Variants in USP8 observed in about 807,000 individuals in gnomAD.
USP8 encodes the protein ubiquitin specific peptidase 8.
USP8 carries 27 observed loss-of-function variants against 130.0 expected under a neutral mutation model. The ratio of observed to expected loss-of-function variants is 0.21; its 90% CI spans 0.15 to 0.29. The LOEUF is 0.29. Ranked by LOEUF, USP8 falls within the 10% of genes least tolerant of loss-of-function variation. The probability of loss-of-function intolerance (pLI) is 1.00; values close to 1 mark genes in which losing one functional copy is unlikely to be tolerated. For missense variants in USP8, 1,029 were observed against 1,312.2 expected, an observed-to-expected ratio of 0.78 and a Z score of 3.33; for synonymous variants, 392 against 444.1, an observed-to-expected ratio of 0.88 and a Z score of 1.48.
intron 5 of USP8, 131 bp downstream of exon 5, chr15:50,459,293 T>G: frequency 7.7e-7 from 1 of 1,301,370 alleles, no homozygotes; most frequent in Non-Finnish European, 1.0e-6. Context: ...TAATTAGAAA[T>G]TTATTTAAGG....
At chr15:50,494,340 AT>A in intron 16 of USP8, 60 bp downstream of exon 16, 2 of 1,421,008 alleles carry the variant, frequency 1.4e-6, no homozygotes, top group Non-Finnish European at 9.5e-7. Flanking sequence ...GTAGCACTGT[AT>A]TTTTATAGCA....
At chr15:50,436,812 G>T (rs1306924093) in intron 1 of USP8, among the ~76,000 whole-genome samples, 6 of 152,162 alleles carry the variant, frequency 3.9e-5, no homozygotes, top group Non-Finnish European at 1.5e-5. Context: ...TGGGATTATA[G>T]GCATGCACTA....
At chr15:50,493,925 TG>T in intron 15 of USP8, 144 bp from the exon 16 acceptor site, 1 of 974,134 alleles carries the variant, frequency 1.0e-6, no homozygotes, top group Non-Finnish European at 1.6e-6. Flanking sequence ...GATGAGAATC[TG>T]GTGGTGAGCC....
chr15:50,431,797 C>T (rs959297681), intron 1 of USP8, among the ~76,000 whole-genome samples: 3 of 152,180 alleles, frequency 2.0e-5, no homozygotes, highest in Admixed American at 1.3e-4. Flanking sequence ...GGTGGAATTA[C>T]AGGCGTCCAC....
In USP8 at chr15:50,500,592, ACT is replaced by A; in HGVS notation, c.*1507_*1508del. 1.8e-6 allele frequency: 1 copy of A among 564,910 alleles called. No homozygotes were observed. The highest frequency in any genetic ancestry group is 3.1e-6 in the Non-Finnish European group (1 of 318,084). The allele number at this position is 564,910 out of a possible 1,614,324, so 35.0% of individuals were successfully genotyped here. On this transcript the variant is annotated 3_prime_UTR_variant, in exon 20 of 20. Transcript: ENST00000307179. ...TCTAAGAGTTTAATGACCAAGCAAA[ACT>A]CTACCACCAGATGCTGACTGCTTGT...
chr15:50,477,042 T>C (rs770967563), intron 9 of USP8, 49 bp downstream of exon 9: 17 of 1,584,132 alleles, frequency 1.1e-5, no homozygotes, highest in Non-Finnish European at 1.5e-5. Flanking sequence ...AAAATATGGT[T>C]TAAAATTGTT....
chr15:50,443,684 A>G (rs1567605314), intron 3 of USP8, among the ~76,000 whole-genome samples: 1 of 151,888 alleles, frequency 6.6e-6, no homozygotes, highest in Non-Finnish European at 1.5e-5. Context: ...GGCTTTCACC[A>G]TATTGGCCAG....
intron 9 of USP8, 121 bp downstream of exon 9, chr15:50,477,114 G>A: frequency 7.1e-7 from 1 of 1,398,942 alleles, no homozygotes; most frequent in Non-Finnish European, 9.7e-7. Context: ...TTGTTTTCAG[G>A]CATAAAAATA....
At position 50,477,449 on chromosome 15, in the gene USP8, G is replaced by A; in HGVS notation, c.1168G>A (p.Asp390Asn). 1 of 1,614,116 alleles carries A rather than the reference G, an allele frequency of 6.2e-7. No homozygotes were observed. The highest frequency in any genetic ancestry group is 1.3e-5 in the African/African-American group (1 of 75,034). The change falls in exon 10 of 20, where the codon GAT (aspartate) becomes AAT (asparagine). Residue 390 changes from aspartate (D) to asparagine (N), a missense_variant. By Grantham distance (23) the Asp-to-Asn change is conservative. Transcript: ENST00000307179. ...TGAACCAGTTGCTGCTTCTAAATCT[G>A]ATGTTTCACCCATAATTCAGCCAGT... ...PVEPVAASKS[D>N]VSPIIQPVPS...
At chr15:50,441,969 CTTTTTTT>C (rs1011150634) in intron 3 of USP8, among the ~76,000 whole-genome samples, 40 of 81,428 alleles carry the variant, frequency 4.9e-4, no homozygotes, top group South Asian at 1.4e-3. Context: ...CTCCCTAAAT[CTTTTTTT>C]TTTTTTTTTT....
intron 6 of USP8, chr15:50,463,408 C>A (rs921817913): frequency 6.6e-6 from 1 of 152,182 alleles, no homozygotes. Context: ...CTAACGCGCC[C>A]GATCTCGGGA....
intron 3 of USP8, among the ~76,000 whole-genome samples, chr15:50,448,661 AG>A (rs200485606): frequency 0.031 from 4,763 of 152,016 alleles, 102 homozygotes; most frequent in South Asian, 0.092. Flanking sequence ...CTGGGATTAC[AG>A]GCACATACCA....
chr15:50,471,438 A>G (rs900689018), intron 7 of USP8, among the ~76,000 whole-genome samples, 195 bp from the exon 8 acceptor site: 3 of 152,178 alleles, frequency 2.0e-5, no homozygotes, highest in African/African-American at 7.2e-5. Context: ...CTATGTTCCA[A>G]TATTATACAG....
In USP8 at chr15:50,501,342, T is replaced by C. The variant is rs2052584651; in HGVS notation, c.*2254T>C. 1 of 148,490 alleles carries C rather than the reference T, an allele frequency of 6.7e-6. No homozygotes were observed. The highest frequency in any genetic ancestry group is 1.5e-5 in the Non-Finnish European group (1 of 68,664). 9.2% of individuals were successfully genotyped at this position (148,490 alleles called of 1,614,324 possible). The stretch of plus-strand genomic sequence containing the variant: ...AAAAAAGATGAGCTAGGCATAGTGG[T>C]GCACACCTGTAGTCCCAGCTACTTG... On this transcript the variant is annotated 3_prime_UTR_variant, in exon 20 of 20. Transcript: ENST00000307179.
At chr15:50,469,414 T>G (rs2051302258) in intron 7 of USP8, among the ~76,000 whole-genome samples, 1 of 152,170 alleles carries the variant, frequency 6.6e-6, no homozygotes, top group African/African-American at 2.4e-5. Context: ...CAAAGTGTTT[T>G]CTGTAGAATA....
chr15:50,489,828 C>T lies in USP8; in HGVS notation c.1918C>T (p.Arg640Ter). ...KAQREPLTRARSEEMGRIVPG... is the reference protein window; with the variant it reads ...KAQREPLTRA Reference sequence around the variant, plus strand: ...TCAACGAGAACCTTTGACAAGAGCACGAAGTGAAGAAATGGGGAGGATCGT... The same window carrying T: ...TCAACGAGAACCTTTGACAAGAGCATGAAGTGAAGAAATGGGGAGGATCGT... Residue 640 changes from arginine (R) to a stop codon, truncating the protein, a stop_gained, in exon 13 of 20, where the codon CGA (arginine) becomes TGA (stop). Coordinates refer to ENST00000307179, the MANE Select transcript of USP8 (RefSeq NM_005154.5). LOFTEE classifies it high-confidence loss of function. 1 of 1,570,328 alleles carries T rather than the reference C, an allele frequency of 6.4e-7. No homozygotes were observed. The highest frequency in any genetic ancestry group is 8.6e-7 in the Non-Finnish European group (1 of 1,158,360).
At chr15:50,448,737 C>T (rs1405780376) in intron 3 of USP8, among the ~76,000 whole-genome samples, 1 of 152,054 alleles carries the variant, frequency 6.6e-6, no homozygotes, top group East Asian at 1.9e-4. Context: ...CCGGGCTGGT[C>T]TTGACCTCCT....
At chr15:50,437,911 G>A (rs2050137683) in intron 1 of USP8, among the ~76,000 whole-genome samples, 2 of 152,174 alleles carry the variant, frequency 1.3e-5, no homozygotes, top group South Asian at 4.1e-4. Flanking sequence ...GTTTCTAAAT[G>A]CATAGATCTG....
chr15:50,435,375 T>C (rs890558647), intron 1 of USP8, among the ~76,000 whole-genome samples: 6 of 152,196 alleles, frequency 3.9e-5, no homozygotes, highest in Non-Finnish European at 7.3e-5. Context: ...TTATATAACA[T>C]TTACATTGTA....
Sources: gnomAD v4.1 joint callset for allele counts (sites outside exome capture counted in the v4.1 genomes callset) on GRCh38, gnomAD v4.1.1 for gene constraint, MANE v1.5 for transcripts, NCBI Gene and HGNC (gene_info 2026-07-23, HGNC 2026-07-21) for gene names.